The following ACTN4 variants were observed in gnomAD, a reference collection of about 807,000 sequenced individuals.
ACTN4 encodes actinin alpha 4, also known as alpha-actinin-4.
Under a neutral mutation model 114.2 loss-of-function variants are expected in ACTN4, and 18 were observed. That is an observed-to-expected ratio of 0.16 (90% CI 0.11 to 0.23). The LOEUF is 0.23. ACTN4 is among the 10% of genes least tolerant of loss of function. The pLI, the probability that ACTN4 is intolerant of heterozygous loss-of-function variation, is 1.00. For synonymous variants in ACTN4, 515 were observed against 506.3 expected, an observed-to-expected ratio of 1.02 and a Z score of -0.23; for missense variants, 722 against 1,262.9, an observed-to-expected ratio of 0.57 and a Z score of 6.49.
At chr19:38,683,460 G>A (rs1967641807) in intron 1 of ACTN4, among the ~76,000 whole-genome samples, 1 of 152,166 alleles carries the variant, frequency 6.6e-6, no homozygotes, top group African/African-American at 2.4e-5. Context: ...CAGGCCCCGT[G>A]AACAGAGGAG....
At chr19:38,667,308 G>A (rs562473663) in intron 1 of ACTN4, among the ~76,000 whole-genome samples, 108 of 152,280 alleles carry the variant, frequency 7.1e-4, no homozygotes, top group African/African-American at 2.5e-3. Context: ...GCCTTGGGGC[G>A]AGGAGAGTTG....
intron 1 of ACTN4, 133 bp downstream of exon 1, chr19:38,648,040 C>T: frequency 1.8e-6 from 2 of 1,136,908 alleles, no homozygotes; most frequent in Non-Finnish European, 2.3e-6. Flanking sequence ...TTGGCGGGTC[C>T]GGGAAGGGAA....
At chr19:38,654,923 T>C (rs571691575) in intron 1 of ACTN4, among the ~76,000 whole-genome samples, 1 of 152,158 alleles carries the variant, frequency 6.6e-6, no homozygotes, top group African/African-American at 2.4e-5. Context: ...TGAAGGCGAG[T>C]GGAGTGAGTT....
intron 1 of ACTN4, among the ~76,000 whole-genome samples, chr19:38,673,273 C>T (rs1041671225): frequency 2.3e-4 from 34 of 151,090 alleles, no homozygotes; most frequent in African/African-American, 7.8e-4. Context: ...TTTATTTATA[C>T]CCACTATGTG....
intron 1 of ACTN4, among the ~76,000 whole-genome samples, chr19:38,673,411 A>G (rs1235619827): frequency 7.5e-6 from 1 of 134,056 alleles, no homozygotes; most frequent in Non-Finnish European, 1.6e-5. Flanking sequence ...CAAGACATAC[A>G]TAGAGTGTTC....
At chr19:38,650,649 G>A (rs931071455) in intron 1 of ACTN4, among the ~76,000 whole-genome samples, 4 of 152,180 alleles carry the variant, frequency 2.6e-5, no homozygotes, top group Non-Finnish European at 4.4e-5. Flanking sequence ...TTTGAAATGG[G>A]GGAAGGAGTA....
At position 38,724,341 on chromosome 19, in the gene ACTN4, TGGGCCGGGGCCATCCGTAG is replaced by T; in HGVS notation, c.1875+7_1875+25del. ...ATCATCAACTCCAAGTGGGAGAAGG[TGGGCCGGGGCCATCCGTAG>T]GGGCTGGGGCAGGACGGCGGGGCTG... On this transcript the variant is annotated splice_donor_5th_base_variant and intron_variant, in intron 15 of 20. Coordinates refer to ENST00000252699, the MANE Select transcript of ACTN4 (RefSeq NM_004924.6). This position sits in a 1 kb window ranked among gnomAD's most constrained non-coding sequence, Gnocchi z 7.0. 3 of 1,613,228 alleles carry T rather than the reference TGGGCCGGGGCCATCCGTAG, an allele frequency of 1.9e-6. No individual in the cohort carries two copies. Among genetic ancestry groups the T allele is most frequent in the Non-Finnish European group, 2.5e-6 (3 of 1,179,928 alleles).
intron 6 of ACTN4, among the ~76,000 whole-genome samples, chr19:38,708,794 G>A (rs1968546362): frequency 6.6e-6 from 1 of 152,246 alleles, no homozygotes. Context: ...CAGGAGCCAG[G>A]AAAGGTCCCG....
intron 1 of ACTN4, among the ~76,000 whole-genome samples, chr19:38,692,061 C>T (rs1273016312): frequency 1.3e-5 from 2 of 152,144 alleles, no homozygotes; most frequent in Non-Finnish European, 2.9e-5. Context: ...TTGGAATGCT[C>T]GCTACCCCAC....
At chr19:38,713,803 TCCCCGTGTGCA>T (rs138285715) in intron 8 of ACTN4, among the ~76,000 whole-genome samples, 2,966 of 152,228 alleles carry the variant, frequency 0.019, 133 homozygotes, top group South Asian at 0.15. Flanking sequence ...GGTCTCTCTC[TCCCCGTGTGCA>T]CCCCCTGCCT....
At chr19:38,728,748 G>C (rs1048787935) in intron 19 of ACTN4, among the ~76,000 whole-genome samples, 2 of 152,226 alleles carry the variant, frequency 1.3e-5, no homozygotes, top group Non-Finnish European at 2.9e-5. Context: ...GACCACGAGA[G>C]GGGAGGGTGC....
Position 38,723,584 on chromosome 19 carries a change from G to A in ACTN4, c.1443-30G>A, listed in dbSNP as rs539003312. Reference sequence around the variant, plus strand: ...ATCCATCTAGCCACTTGCCCTTGCCGAGTCTCATTGCTCTCTGCCCGGCCC... The same window carrying A: ...ATCCATCTAGCCACTTGCCCTTGCCAAGTCTCATTGCTCTCTGCCCGGCCC... On this transcript the variant is annotated intron_variant, in intron 12 of 20. Transcript: ENST00000252699. The A allele has an allele frequency of 3.4e-5, 52 of 1,542,724 alleles. No individual in the cohort carries two copies. The East Asian group carries it at 6.2e-4, about 19-fold the overall frequency.
chr19:38,720,144 T>A (rs576318770), intron 11 of ACTN4, among the ~76,000 whole-genome samples: 39 of 152,298 alleles, frequency 2.6e-4, no homozygotes, highest in Non-Finnish European at 4.7e-4. Flanking sequence ...TCCTCCGCCC[T>A]GGGGTGGGTG....
chr19:38,706,991 G>A (rs952078162), intron 5 of ACTN4, among the ~76,000 whole-genome samples: 1 of 152,216 alleles, frequency 6.6e-6, no homozygotes, highest in African/African-American at 2.4e-5. Flanking sequence ...GCGGTCCTGA[G>A]GTCAGATCCG....
chr19:38,652,416 G>T (rs540773333), intron 1 of ACTN4, among the ~76,000 whole-genome samples: 1 of 152,292 alleles, frequency 6.6e-6, no homozygotes, highest in African/African-American at 2.4e-5. Flanking sequence ...GCCTGGGACT[G>T]CAGGGTCACT....
chr19:38,681,133 A>AG lies in ACTN4; in HGVS notation c.163-19467_163-19466insG, dbSNP rs1427087473. ...AGAGTGAGACTCCAATCTCTAGAAA[A>AG]AAAAAAAAAAAAAAAAAAAAGCAGA... On this transcript the variant is annotated intron_variant, in intron 1 of 20. Transcript: ENST00000252699. Among the ~76,000 whole-genome samples, 14 of 134,118 alleles carry AG rather than the reference A, an allele frequency of 1.0e-4. No homozygotes were observed. In the East Asian group the frequency reaches 2.8e-3, roughly 26 times the overall value. 88.0% of individuals were successfully genotyped at this position (134,118 alleles called of 152,430 possible). A position where few individuals can be genotyped will look rare whatever the true frequency, so the allele number is the denominator to read the frequency against.
At chr19:38,649,255 C>G in intron 1 of ACTN4, among the ~76,000 whole-genome samples, 1 of 100,432 alleles carries the variant, frequency 1.0e-5, no homozygotes, top group East Asian at 2.7e-4. Context: ...GATCCCCGAG[C>G]GAGGTGTCAG....
chr19:38,714,248 A>C (rs1968765196), intron 8 of ACTN4, among the ~76,000 whole-genome samples: 1 of 152,224 alleles, frequency 6.6e-6, no homozygotes, highest in African/African-American at 2.4e-5. Context: ...CGGTGCCTCC[A>C]GGGTCTGGGC....
intron 1 of ACTN4, among the ~76,000 whole-genome samples, chr19:38,652,163 T>C (rs990589968): frequency 5.1e-4 from 78 of 152,128 alleles, no homozygotes; most frequent in African/African-American, 1.8e-3. Flanking sequence ...ACTAACAGTT[T>C]TCAAAATTGA....
Sources: gnomAD v4.1 joint callset for allele counts (sites outside exome capture counted in the v4.1 genomes callset) on GRCh38, gnomAD v4.1.1 for gene constraint, Gnocchi (gnomAD v3.1) non-coding constraint, MANE v1.5 for transcripts, NCBI Gene and HGNC (gene_info 2026-07-23, HGNC 2026-07-21) for gene names.